MYRIP: variants seen among roughly 807,000 people sequenced by gnomAD.
MYRIP encodes myosin VIIA and Rab interacting protein, also known as rab effector MyRIP.
Under a neutral mutation model 98.0 loss-of-function variants are expected in MYRIP, and 49 were observed. The observed-to-expected ratio is 0.50, with a 90% confidence interval of 0.40 to 0.63. The LOEUF (loss-of-function observed/expected upper bound fraction) is 0.63. Ranked by LOEUF, MYRIP falls within the 30% of genes least tolerant of loss-of-function variation. The pLI is 0.00. For synonymous variants in MYRIP, 404 were observed against 409.5 expected, an observed-to-expected ratio of 0.99 and a Z score of 0.16; for missense variants, 1,004 against 1,058.2, an observed-to-expected ratio of 0.95 and a Z score of 0.71.
intron 1 of MYRIP, among the ~76,000 whole-genome samples, chr3:39,824,675 T>C (rs1202869597): frequency 2.6e-5 from 4 of 152,068 alleles, no homozygotes; most frequent in African/African-American, 9.7e-5. Context: ...AGTTGATTGT[T>C]TGTGCATATT....
intron 2 of MYRIP, among the ~76,000 whole-genome samples, chr3:39,987,521 A>C (rs1216524544): frequency 6.6e-6 from 1 of 152,184 alleles, no homozygotes; most frequent in African/African-American, 2.4e-5. Flanking sequence ...TTATATACCC[A>C]GTAATGAGAT....
At chr3:39,867,252 C>A (rs1326950618) in intron 1 of MYRIP, among the ~76,000 whole-genome samples, 1 of 152,066 alleles carries the variant, frequency 6.6e-6, no homozygotes, top group Non-Finnish European at 1.5e-5. Flanking sequence ...GAAAAAGCTC[C>A]TTTATGTTGG....
chr3:40,053,614 G>A (rs1266266614), intron 3 of MYRIP, among the ~76,000 whole-genome samples: 2 of 151,998 alleles, frequency 1.3e-5, no homozygotes, highest in Non-Finnish European at 2.9e-5. Context: ...GGCCAGGGAA[G>A]TCTGAAACTT....
chr3:39,971,254 A>G (rs1575424708), intron 2 of MYRIP, among the ~76,000 whole-genome samples: 1 of 151,908 alleles, frequency 6.6e-6, no homozygotes, highest in African/African-American at 2.4e-5. Context: ...GAAAAGGGAG[A>G]TGAGATATAT....
chr3:40,044,418 T>A lies in MYRIP; in HGVS notation c.332+147T>A, dbSNP rs201161501. The stretch of plus-strand genomic sequence containing the variant: ...AAATAGCTTGCTGAAGAGAGATGCA[T>A]GGATAAGGAAACCTGTTGATCTTTA... On this transcript the variant is annotated intron_variant, in intron 3 of 16. Coordinates refer to ENST00000302541, the MANE Select transcript of MYRIP (RefSeq NM_015460.4). The A allele has an allele frequency of 5.0e-6, 4 of 805,340 alleles. No homozygotes were observed. In the East Asian group the frequency reaches 8.0e-5, roughly 16 times the overall value. The allele number at this position is 805,340 out of a possible 1,614,324, so 49.9% of individuals were successfully genotyped here.
chr3:39,826,353 C>T (rs770679934), intron 1 of MYRIP, among the ~76,000 whole-genome samples: 4 of 151,948 alleles, frequency 2.6e-5, no homozygotes, highest in South Asian at 4.2e-4. Flanking sequence ...GGTTTTGATA[C>T]GTTGTGTTTC....
At chr3:39,997,582 C>T (rs1402235963) in intron 2 of MYRIP, among the ~76,000 whole-genome samples, 1 of 152,164 alleles carries the variant, frequency 6.6e-6, no homozygotes, top group African/African-American at 2.4e-5. Context: ...CAGACGGATT[C>T]ACAGCCGAAT....
At position 40,161,755 on chromosome 3, in the gene MYRIP, A is replaced by G. The variant is rs1386111769; in HGVS notation, c.470-975A>G. Among the ~76,000 whole-genome samples the G allele has an allele frequency of 3.3e-5, 5 of 151,080 alleles. No individual in the cohort carries two copies. In the South Asian group the frequency reaches 6.3e-4, roughly 19 times the overall value. ...AAAGTGAGCTGCATTCAGGGCTTCC[A>G]TTGCCTGCCCTTCCTCACTCTACAC... On this transcript the variant is annotated intron_variant, in intron 4 of 16. Coordinates refer to ENST00000302541, the MANE Select transcript of MYRIP (RefSeq NM_015460.4).
At chr3:40,168,502 T>C (rs1420376357) in intron 7 of MYRIP, among the ~76,000 whole-genome samples, 1 of 152,224 alleles carries the variant, frequency 6.6e-6, no homozygotes, top group African/African-American at 2.4e-5. Context: ...CACACCGCTT[T>C]CCCACCATCG....
chr3:40,047,388 G>C (rs550670409), intron 3 of MYRIP, among the ~76,000 whole-genome samples: 12 of 152,264 alleles, frequency 7.9e-5, no homozygotes, highest in South Asian at 6.2e-4. Flanking sequence ...TTCATAGAAG[G>C]ATACCTGGAA....
intron 2 of MYRIP, among the ~76,000 whole-genome samples, chr3:39,974,014 T>C (rs1010644420): frequency 2.0e-5 from 3 of 151,930 alleles, no homozygotes; most frequent in South Asian, 2.1e-4. Context: ...AGCAAACACA[T>C]TCAAAGCTAG....
intron 2 of MYRIP, among the ~76,000 whole-genome samples, chr3:40,035,634 A>C (rs371144817): frequency 1.3e-5 from 2 of 152,184 alleles, no homozygotes; most frequent in African/African-American, 4.8e-5. Flanking sequence ...GAACCAAGGA[A>C]TGAATGGCAC....
intron 3 of MYRIP, among the ~76,000 whole-genome samples, chr3:40,141,623 A>T (rs911915595): frequency 6.6e-6 from 1 of 152,200 alleles, no homozygotes; most frequent in African/African-American, 2.4e-5. Context: ...ATTTTTGTGT[A>T]GGGTGAGAGG....
At chr3:40,013,321 A>G (rs1479976384) in intron 2 of MYRIP, among the ~76,000 whole-genome samples, 1 of 152,254 alleles carries the variant, frequency 6.6e-6, no homozygotes, top group African/African-American at 2.4e-5. Context: ...GCAAGTGTGC[A>G]GAATGGTCTC....
intron 3 of MYRIP, among the ~76,000 whole-genome samples, chr3:40,126,982 C>T (rs1320793070): frequency 1.3e-5 from 2 of 152,176 alleles, no homozygotes; most frequent in Non-Finnish European, 2.9e-5. Flanking sequence ...ACTACCTGCA[C>T]AGCTTTGCCC....
intron 3 of MYRIP, among the ~76,000 whole-genome samples, chr3:40,129,692 T>G (rs1252165140): frequency 6.6e-6 from 1 of 152,162 alleles, no homozygotes; most frequent in Non-Finnish European, 1.5e-5. Context: ...ATGTAAACTC[T>G]TAGTTTGCAC....
At chr3:40,013,971 TA>T (rs2125798834) in intron 2 of MYRIP, among the ~76,000 whole-genome samples, 1 of 152,370 alleles carries the variant, frequency 6.6e-6, no homozygotes, top group South Asian at 2.1e-4. Flanking sequence ...CCAGCGGCAC[TA>T]AAATCTATTG....
In MYRIP at chr3:40,179,463, C is replaced by T. The variant is rs367907265; in HGVS notation, c.874-2757C>T. 2.2e-4 allele frequency among the ~76,000 whole-genome samples: 34 copies of T among 152,248 alleles called. No homozygotes were observed. The East Asian group carries it at 4.3e-3, about 19-fold the overall frequency. On this transcript the variant is annotated intron_variant, in intron 8 of 16. Transcript: ENST00000302541. Reference sequence around the variant, plus strand: ...AGAATTTCCGTCCCATAAAAAAGGACCCCAGCCACCACATATACACACAAG... The same window carrying T: ...AGAATTTCCGTCCCATAAAAAAGGATCCCAGCCACCACATATACACACAAG...
At chr3:40,038,459 A>C (rs902616396) in intron 2 of MYRIP, among the ~76,000 whole-genome samples, 11 of 152,098 alleles carry the variant, frequency 7.2e-5, no homozygotes, top group Non-Finnish European at 7.4e-5. Flanking sequence ...CGTCAACCTA[A>C]CTAAAAGCTA....
Sources: gnomAD v4.1 joint callset for allele counts (sites outside exome capture counted in the v4.1 genomes callset) on GRCh38, gnomAD v4.1.1 for gene constraint, MANE v1.5 for transcripts, NCBI Gene and HGNC (gene_info 2026-07-23, HGNC 2026-07-21) for gene names.